The following TNS3 variants were observed in gnomAD, a reference collection of about 807,000 sequenced individuals.
TNS3 encodes tensin-3.
Under a neutral mutation model 140.9 loss-of-function variants are expected in TNS3, and 45 were observed. That is an observed-to-expected ratio of 0.32 (90% CI 0.25 to 0.41). The LOEUF (loss-of-function observed/expected upper bound fraction) is 0.41, where lower values mean the gene tolerates loss of function less well. TNS3 is among the 10% of genes least tolerant of loss of function. The pLI, the probability that TNS3 is intolerant of heterozygous loss-of-function variation, is 1.00. For missense variants in TNS3, 1,716 were observed against 1,906.7 expected (o/e 0.90, Z 1.86); for synonymous variants, 815 against 788.4 (o/e 1.03, Z -0.56).
rs530041670 is a variant in TNS3, at chr7:47,538,715, A to T, written c.-264-9568T>A. On this transcript the variant is annotated intron_variant, in intron 1 of 30. Transcript: ENST00000311160. The stretch of plus-strand genomic sequence containing the variant: ...ACAAAGGAAAAAACCTCCTCCTAGA[A>T]CACACCATTCTGGGTTCCAATTCCT... Among the ~76,000 whole-genome samples the T allele has an allele frequency of 8.1e-4, 123 of 152,268 alleles. 1 individual carries two copies. The highest frequency in any genetic ancestry group is 1.5e-3 in the Non-Finnish European group (100 of 68,016).
intron 2 of TNS3, among the ~76,000 whole-genome samples, chr7:47,507,696 C>G (rs539760580): frequency 6.6e-6 from 1 of 152,170 alleles, no homozygotes; most frequent in Non-Finnish European, 1.5e-5. Context: ...AACCTCCCCA[C>G]GAGCACCACG....
At position 47,414,850 on chromosome 7, in the gene TNS3, AG is replaced by A. The variant is rs142402851; in HGVS notation, c.586+243del. 4.7e-3 allele frequency among the ~76,000 whole-genome samples: 722 copies of A among 152,262 alleles called. 3 individuals are homozygous for A. Among genetic ancestry groups the A allele is most frequent in the African/African-American group, 0.016 (672 of 41,552 alleles). On this transcript the variant is annotated intron_variant, in intron 11 of 30. Transcript: ENST00000311160. ...TGCCCTAGTCACTGTGCATATACACAGGGGTATTTCTGATCCCCCTTGCTGG... is the reference window on the plus strand; with the variant it reads ...TGCCCTAGTCACTGTGCATATACACAGGGTATTTCTGATCCCCCTTGCTGG...
chr7:47,580,402 C>T (rs1784497991), intron 1 of TNS3, among the ~76,000 whole-genome samples: 1 of 152,232 alleles, frequency 6.6e-6, no homozygotes, highest in African/African-American at 2.4e-5. Flanking sequence ...CAGGCAAACA[C>T]TCAATCGGTA....
chr7:47,487,350 C>T (rs907689600), intron 3 of TNS3, among the ~76,000 whole-genome samples: 3 of 151,762 alleles, frequency 2.0e-5, no homozygotes, highest in African/African-American at 7.3e-5. Flanking sequence ...CATGCTTTTA[C>T]ACACCCGGCA....
intron 1 of TNS3, among the ~76,000 whole-genome samples, chr7:47,576,308 G>A (rs2152026100): frequency 6.6e-6 from 1 of 152,170 alleles, no homozygotes; most frequent in South Asian, 2.1e-4. Flanking sequence ...ACCCCACGTG[G>A]CTCCCACCCC....
chr7:47,504,424 T>C (rs1480052534), intron 3 of TNS3, among the ~76,000 whole-genome samples: 1 of 152,158 alleles, frequency 6.6e-6, no homozygotes, highest in African/African-American at 2.4e-5. Flanking sequence ...CCAGGGCATG[T>C]GTGGAGCCTG....
At chr7:47,467,099 T>G (rs1299187245) in intron 4 of TNS3, among the ~76,000 whole-genome samples, 1 of 152,206 alleles carries the variant, frequency 6.6e-6, no homozygotes, top group African/African-American at 2.4e-5. Context: ...AGTACAAAGC[T>G]AACAGCTATT....
rs138480849 is a variant in TNS3, at chr7:47,580,983, C to T, written c.-265+1068G>A. Among the ~76,000 whole-genome samples the T allele has an allele frequency of 6.6e-3, 1,012 of 152,258 alleles. 15 individuals are homozygous for T. The highest frequency in any genetic ancestry group is 0.023 in the African/African-American group (976 of 41,552). ...AGTGTGTGAATGCGCCCCAAGGAAGCCTGGGGGCTTCCCAGGGGGTTGTGA... is the reference window on the plus strand; with the variant it reads ...AGTGTGTGAATGCGCCCCAAGGAAGTCTGGGGGCTTCCCAGGGGGTTGTGA... On this transcript the variant is annotated intron_variant, in intron 1 of 30. Transcript: ENST00000311160.
intron 1 of TNS3, chr7:47,556,988 C>A (rs376656096): frequency 8.8e-6 from 4 of 455,490 alleles, no homozygotes; most frequent in Non-Finnish European, 1.3e-5. Flanking sequence ...CCATGCCCCC[C>A]ACAGACGATA....
At chr7:47,343,162 A>G (rs1208435212) in intron 20 of TNS3, among the ~76,000 whole-genome samples, 3 of 152,194 alleles carry the variant, frequency 2.0e-5, no homozygotes, top group Non-Finnish European at 4.4e-5. Flanking sequence ...AGCCATCCTC[A>G]TCCACACATA....
chr7:47,472,420 G>A (rs1221788657), intron 4 of TNS3, among the ~76,000 whole-genome samples: 2 of 152,218 alleles, frequency 1.3e-5, no homozygotes, highest in Admixed American at 1.3e-4. Flanking sequence ...GTGTCACTGG[G>A]AAAGGAGCCC....
At position 47,464,483 on chromosome 7, in the gene TNS3, G is replaced by T. The variant is rs1796620793; in HGVS notation, c.-76+16620C>A. On this transcript the variant is annotated intron_variant, in intron 4 of 30. Coordinates refer to ENST00000311160, the MANE Select transcript of TNS3 (RefSeq NM_022748.12). ...AACACCCCTAGGATTGCTCAAGGTG[G>T]CCCCGGGTGGCAGCCCCACCCCAGC... 1.3e-5 allele frequency among the ~76,000 whole-genome samples: 2 copies of T among 152,050 alleles called. 1 individual carries two copies. The highest frequency in any genetic ancestry group is 4.1e-4 in the South Asian group (2 of 4,824).
At chr7:47,582,125 G>A (rs1442297480), upstream of TNS3, 2 of 151,502 alleles carry the variant, frequency 1.3e-5, no homozygotes, top group Non-Finnish European at 2.9e-5. Flanking sequence ...GCGCGGGCGG[G>A]CCCGTCCTCC....
intron 1 of TNS3, among the ~76,000 whole-genome samples, chr7:47,559,127 G>A (rs1001851881): frequency 1.6e-4 from 24 of 152,204 alleles, no homozygotes; most frequent in African/African-American, 2.9e-4. Context: ...CAAGGTGGGC[G>A]GATCATGAGA....
chr7:47,302,094 C>G, intron 23 of TNS3, 92 bp downstream of exon 23: 2 of 1,052,012 alleles, frequency 1.9e-6, no homozygotes, highest in Non-Finnish European at 2.9e-6. Context: ...CACGGCTGCC[C>G]GATGTTCCCA....
At chr7:47,571,845 T>C (rs1168313552) in intron 1 of TNS3, among the ~76,000 whole-genome samples, 1 of 152,192 alleles carries the variant, frequency 6.6e-6, no homozygotes, top group African/African-American at 2.4e-5. Context: ...AGCATGCCGC[T>C]GGCCACACAG....
chr7:47,355,107 G>A (rs562698472), intron 17 of TNS3, among the ~76,000 whole-genome samples: 3 of 152,342 alleles, frequency 2.0e-5, no homozygotes, highest in African/African-American at 4.8e-5. Flanking sequence ...GGGTGGAGCC[G>A]GCGTCAAGGA....
chr7:47,313,477 TA>T (rs931872407), intron 20 of TNS3, among the ~76,000 whole-genome samples: 3 of 151,998 alleles, frequency 2.0e-5, no homozygotes, highest in Non-Finnish European at 2.9e-5. Flanking sequence ...AACTTTGGAA[TA>T]AAAAAAAGTT....
At chr7:47,496,781 G>A (rs778875334) in intron 3 of TNS3, among the ~76,000 whole-genome samples, 1 of 152,226 alleles carries the variant, frequency 6.6e-6, no homozygotes, top group Non-Finnish European at 1.5e-5. Flanking sequence ...GACACCTGCA[G>A]CACCCAGCTC....
Sources: gnomAD v4.1 joint callset for allele counts (sites outside exome capture counted in the v4.1 genomes callset) on GRCh38, gnomAD v4.1.1 for gene constraint, MANE v1.5 for transcripts, NCBI Gene and HGNC (gene_info 2026-07-23, HGNC 2026-07-21) for gene names.